SEMA6D: variants seen among roughly 807,000 people sequenced by gnomAD.
SEMA6D encodes semaphorin 6D, also known as semaphorin-6D.
Under a neutral mutation model 106.6 loss-of-function variants are expected in SEMA6D, and 35 were observed. That is an observed-to-expected ratio of 0.33 (90% CI 0.25 to 0.44). The LOEUF (loss-of-function observed/expected upper bound fraction) is 0.44, where lower values mean the gene tolerates loss of function less well. Ranked by LOEUF, SEMA6D falls within the 20% of genes least tolerant of loss-of-function variation. The probability of loss-of-function intolerance (pLI) is 1.00; values close to 1 mark genes in which losing one functional copy is unlikely to be tolerated. For missense variants in SEMA6D, 1,185 were observed against 1,345.9 expected (o/e 0.88, Z 1.87); for synonymous variants, 499 against 487.7 (o/e 1.02, Z -0.31).
chr15:47,579,078 A>G (rs2076209690), intron 3 of SEMA6D, among the ~76,000 whole-genome samples: 1 of 151,766 alleles, frequency 6.6e-6, no homozygotes, highest in Non-Finnish European at 1.5e-5. Flanking sequence ...GCCCCTGGGT[A>G]CTTGGGCCTC....
At chr15:47,530,826 G>T (rs747015367) in intron 3 of SEMA6D, among the ~76,000 whole-genome samples, 3 of 152,124 alleles carry the variant, frequency 2.0e-5, no homozygotes, top group Non-Finnish European at 4.4e-5. Context: ...GATCTTGGAG[G>T]AGTTATTAAA....
At chr15:47,433,107 T>C (rs2041591055) in intron 2 of SEMA6D, among the ~76,000 whole-genome samples, 1 of 152,072 alleles carries the variant, frequency 6.6e-6, no homozygotes, top group Admixed American at 6.6e-5. Context: ...CCTTATAAGC[T>C]GTCTATAGAC....
chr15:47,751,370 T>G (rs537164183), intron 1 of SEMA6D, among the ~76,000 whole-genome samples: 79 of 152,298 alleles, frequency 5.2e-4, no homozygotes, highest in African/African-American at 1.8e-3. Flanking sequence ...TCTCTCAACT[T>G]ACCTAAACCC....
In SEMA6D at chr15:47,586,916, T is replaced by C. The variant is rs1163683677; in HGVS notation, c.-86-13949T>C. ...TTTTTTTTTTTTTTTTTACAAGACCTGTCTGTGTTTGTCTTCAGCTCTCTT... is the reference window on the plus strand; with the variant it reads ...TTTTTTTTTTTTTTTTTACAAGACCCGTCTGTGTTTGTCTTCAGCTCTCTT... On this transcript the variant is annotated intron_variant, in intron 3 of 19. Transcript: ENST00000558014. Among the ~76,000 whole-genome samples, 6 of 128,100 alleles carry C rather than the reference T, an allele frequency of 4.7e-5. No homozygotes were observed. In the South Asian group the frequency reaches 1.5e-3, roughly 33 times the overall value. The allele number at this position is 128,100 out of a possible 152,430, so 84.0% of individuals were successfully genotyped here.
chr15:47,223,650 A>T (rs1410469191), intron 1 of SEMA6D, among the ~76,000 whole-genome samples: 1 of 152,014 alleles, frequency 6.6e-6, no homozygotes, highest in Non-Finnish European at 1.5e-5. Context: ...CATGAACTTT[A>T]GTGGTTGATA....
chr15:47,492,882 C>T (rs1211451947), intron 3 of SEMA6D, among the ~76,000 whole-genome samples: 1 of 152,074 alleles, frequency 6.6e-6, no homozygotes. Context: ...CCAACTTTGA[C>T]TTAAATATTG....
chr15:47,347,644 G>A (rs565164864), intron 1 of SEMA6D, among the ~76,000 whole-genome samples: 1 of 152,132 alleles, frequency 6.6e-6, no homozygotes, highest in Non-Finnish European at 1.5e-5. Flanking sequence ...TTGAAAGGAT[G>A]AATGCATGGT....
chr15:47,213,958 C>T (rs963025903), intron 1 of SEMA6D, among the ~76,000 whole-genome samples: 10 of 151,904 alleles, frequency 6.6e-5, no homozygotes, highest in Non-Finnish European at 1.5e-4. Flanking sequence ...TTGGTATGCT[C>T]ACTTGAATGA....
intron 3 of SEMA6D, among the ~76,000 whole-genome samples, chr15:47,494,338 C>G (rs917797165): frequency 6.6e-6 from 1 of 152,032 alleles, no homozygotes; most frequent in Admixed American, 6.6e-5. Flanking sequence ...TGAACTCTTT[C>G]AATCATGCAG....
At chr15:47,545,129 C>T (rs918626296) in intron 3 of SEMA6D, among the ~76,000 whole-genome samples, 1 of 152,054 alleles carries the variant, frequency 6.6e-6, no homozygotes, top group Non-Finnish European at 1.5e-5. Context: ...AAAATGTAGA[C>T]ATATACCAAA....
At chr15:47,699,228 T>A (rs1363279973) in intron 4 of SEMA6D, among the ~76,000 whole-genome samples, 2 of 152,168 alleles carry the variant, frequency 1.3e-5, no homozygotes, top group Non-Finnish European at 2.9e-5. Flanking sequence ...CAAATTAACC[T>A]TCACACAATC....
chr15:47,615,059 G>C (rs1264469766), intron 4 of SEMA6D, among the ~76,000 whole-genome samples: 1 of 152,034 alleles, frequency 6.6e-6, no homozygotes, highest in Admixed American at 6.6e-5. Context: ...TGGAACTCAG[G>C]GTGAATCCCA....
At chr15:47,517,110 T>C (rs1236108669) in intron 3 of SEMA6D, among the ~76,000 whole-genome samples, 1 of 152,164 alleles carries the variant, frequency 6.6e-6, no homozygotes, top group African/African-American at 2.4e-5. Flanking sequence ...TTTTAGTTCT[T>C]TAGCTGTACA....
At position 47,548,725 on chromosome 15, in the gene SEMA6D, A is replaced by G. The variant is rs150836324; in HGVS notation, c.-86-52140A>G. Among the ~76,000 whole-genome samples the G allele has an allele frequency of 2.2e-3, 330 of 152,314 alleles. 1 individual carries two copies. Among genetic ancestry groups the G allele is most frequent in the African/African-American group, 7.7e-3 (318 of 41,568 alleles). On this transcript the variant is annotated intron_variant, in intron 3 of 19. Coordinates refer to the SEMA6D transcript ENST00000558014. ...AATACACACAGATGTGCACATACAC[A>G]TATATACACACATACACATGTACGT... is the stretch of plus-strand genomic sequence containing the variant.
At chr15:47,531,556 T>C (rs1311381285) in intron 3 of SEMA6D, among the ~76,000 whole-genome samples, 1 of 152,254 alleles carries the variant, frequency 6.6e-6, no homozygotes, top group Non-Finnish European at 1.5e-5. Context: ...TGGATATGTA[T>C]TTGTGATGAT....
intron 3 of SEMA6D, among the ~76,000 whole-genome samples, chr15:47,480,128 G>C (rs1182304486): frequency 6.6e-6 from 1 of 151,700 alleles, no homozygotes; most frequent in African/African-American, 2.4e-5. Context: ...AAAGTGCTAG[G>C]ATTACAGGCA....
intron 1 of SEMA6D, among the ~76,000 whole-genome samples, chr15:47,394,501 C>T (rs926711521): frequency 1.3e-5 from 2 of 152,098 alleles, no homozygotes; most frequent in Non-Finnish European, 2.9e-5. Flanking sequence ...ACTTCATGTG[C>T]AAAGGAAGAC....
intron 3 of SEMA6D, among the ~76,000 whole-genome samples, chr15:47,537,860 A>G (rs1365204108): frequency 1.3e-5 from 2 of 152,134 alleles, no homozygotes; most frequent in Non-Finnish European, 2.9e-5. Context: ...TTCTGGAGAG[A>G]AGGGAGAATG....
At chr15:47,364,284 A>G (rs779186850) in intron 1 of SEMA6D, among the ~76,000 whole-genome samples, 1 of 152,190 alleles carries the variant, frequency 6.6e-6, no homozygotes, top group African/African-American at 2.4e-5. Flanking sequence ...GCTGCAGGTC[A>G]GAACCACCTG....
Sources: allele counts gnomAD v4.1 joint callset (sites outside exome capture counted in the v4.1 genomes callset), GRCh38; gene constraint gnomAD v4.1.1; transcripts MANE v1.5; gene names NCBI Gene and HGNC (gene_info 2026-07-23, HGNC 2026-07-21).